Variants in EHBP1 observed in about 807,000 individuals in gnomAD.
EHBP1 encodes the protein EH domain binding protein 1.
In EHBP1, 55 loss-of-function variants were observed where a neutral mutation model predicts 144.0. The ratio of observed to expected loss-of-function variants is 0.38; its 90% confidence interval spans 0.31 to 0.48. The LOEUF is 0.48. Among genes scored for constraint, EHBP1 ranks in the 20% least tolerant of loss-of-function variants. The pLI, the probability that EHBP1 is intolerant of heterozygous loss-of-function variation, is 0.98. For missense variants in EHBP1, 1,200 were observed against 1,364.2 expected (o/e 0.88, Z 1.90); for synonymous variants, 469 against 472.7 (o/e 0.99, Z 0.10).
chr2:62,919,560 G>T (rs2054903039), intron 10 of EHBP1, among the ~76,000 whole-genome samples: 1 of 152,112 alleles, frequency 6.6e-6, no homozygotes, highest in Admixed American at 6.5e-5. Flanking sequence ...AGGGAATAAT[G>T]ACTTTTAGAG....
At chr2:62,980,161 T>C (rs1277499362) in intron 15 of EHBP1, among the ~76,000 whole-genome samples, 1 of 152,146 alleles carries the variant, frequency 6.6e-6, no homozygotes, top group African/African-American at 2.4e-5. Flanking sequence ...AGGAACTGGT[T>C]TTATGGAAGA....
At chr2:62,746,029 G>C (rs1206942317) in intron 2 of EHBP1, among the ~76,000 whole-genome samples, 1 of 152,050 alleles carries the variant, frequency 6.6e-6, no homozygotes, top group African/African-American at 2.4e-5. Context: ...TGGAGCTGTG[G>C]AGATGAGAGC....
At chr2:62,920,000 C>T (rs2054940370) in intron 10 of EHBP1, among the ~76,000 whole-genome samples, 1 of 152,066 alleles carries the variant, frequency 6.6e-6, no homozygotes, top group Non-Finnish European at 1.5e-5. Flanking sequence ...ACACCATCAA[C>T]TAAACCAACA....
chr2:62,979,903 G>A (rs986674511), intron 15 of EHBP1, among the ~76,000 whole-genome samples: 1 of 151,970 alleles, frequency 6.6e-6, no homozygotes, highest in Admixed American at 6.6e-5. Flanking sequence ...TAAAATTAAA[G>A]AAAATTTTAA....
In EHBP1 at chr2:62,871,362, C is replaced by T. The variant is rs548183850; in HGVS notation, c.999-2984C>T. Among the ~76,000 whole-genome samples, 9 of 152,318 alleles carry T rather than the reference C, an allele frequency of 5.9e-5. No individual in the cohort carries two copies. In the East Asian group the frequency reaches 1.5e-3, roughly 26 times the overall value. ...TTCCACATGAAAGTCACAGTCTTTACAAGTTTCTCGTGAATAAAGAGTGTT... is the reference window on the plus strand; with the variant it reads ...TTCCACATGAAAGTCACAGTCTTTATAAGTTTCTCGTGAATAAAGAGTGTT... On this transcript the variant is annotated intron_variant, in intron 9 of 22. Coordinates refer to ENST00000431489, the MANE Select transcript of EHBP1 (RefSeq NM_001142616.3).
intron 5 of EHBP1, chr2:62,771,622 T>C: frequency 3.2e-6 from 1 of 312,790 alleles, no homozygotes; most frequent in Non-Finnish European, 5.8e-6. Context: ...TGTATGTTTG[T>C]ATGTATGCGT....
chr2:62,859,079 G>A (rs773087463), intron 7 of EHBP1, 90 bp from the exon 8 acceptor site: 162 of 1,243,246 alleles, frequency 1.3e-4, no homozygotes, highest in Non-Finnish European at 1.6e-4. Context: ...GGTATTATTC[G>A]TGTGAACTTT....
chr2:62,799,765 A>G (rs902946691), intron 5 of EHBP1, among the ~76,000 whole-genome samples: 2 of 152,252 alleles, frequency 1.3e-5, no homozygotes, highest in Non-Finnish European at 2.9e-5. Context: ...TCTACTCAGT[A>G]CAAAAGCAAG....
intron 7 of EHBP1, among the ~76,000 whole-genome samples, chr2:62,839,807 A>C (rs1272869067): frequency 1.3e-5 from 2 of 152,198 alleles, no homozygotes; most frequent in African/African-American, 2.4e-5. Flanking sequence ...CTTCAAGGAG[A>C]ACTACAAACC....
chr2:62,994,228 C>T, intron 18 of EHBP1: 1 of 241,052 alleles, frequency 4.1e-6, no homozygotes, highest in Non-Finnish European at 8.2e-6. Context: ...CAGGGCACTT[C>T]CCATAAAGAG....
intron 19 of EHBP1, among the ~76,000 whole-genome samples, chr2:63,016,718 A>T (rs1423051650): frequency 6.6e-6 from 1 of 152,166 alleles, no homozygotes; most frequent in African/African-American, 2.4e-5. Context: ...GGCATGAGCC[A>T]TCGCGCCCAG....
At chr2:62,734,920 G>A (rs990570387) in intron 2 of EHBP1, among the ~76,000 whole-genome samples, 2 of 151,992 alleles carry the variant, frequency 1.3e-5, no homozygotes, top group African/African-American at 4.8e-5. Flanking sequence ...TTTTTTTTGA[G>A]ATGGAGGTCT....
chr2:62,928,841 A>C (rs1241361921), intron 10 of EHBP1, among the ~76,000 whole-genome samples: 5 of 125,386 alleles, frequency 4.0e-5, no homozygotes, highest in Middle Eastern at 3.8e-3. Flanking sequence ...GACTAAGAAC[A>C]AAAAAAAAAA....
At chr2:62,878,853 AC>A (rs1180653596) in intron 10 of EHBP1, among the ~76,000 whole-genome samples, 4 of 151,978 alleles carry the variant, frequency 2.6e-5, no homozygotes, top group African/African-American at 9.7e-5. Flanking sequence ...CACCGTCTCT[AC>A]TAAAAATGCA....
chr2:63,000,536 A>G (rs2059808568), intron 19 of EHBP1, among the ~76,000 whole-genome samples: 1 of 152,070 alleles, frequency 6.6e-6, no homozygotes, highest in Non-Finnish European at 1.5e-5. Context: ...TTTCTACTAA[A>G]AATACAAAAA....
intron 5 of EHBP1, among the ~76,000 whole-genome samples, chr2:62,813,476 T>C (rs1219082492): frequency 6.6e-6 from 1 of 151,506 alleles, no homozygotes; most frequent in Non-Finnish European, 1.5e-5. Context: ...CAGCAGAGAG[T>C]CCTCACCAAG....
chr2:62,830,985 G>C, intron 6 of EHBP1, 34 bp from the exon 7 acceptor site: 1 of 1,597,732 alleles, frequency 6.3e-7, no homozygotes, highest in South Asian at 1.1e-5. Context: ...CTGTCATTTA[G>C]TACAATGTGT....
At chr2:62,931,660 T>C (rs952490043) in intron 10 of EHBP1, among the ~76,000 whole-genome samples, 2 of 152,144 alleles carry the variant, frequency 1.3e-5, no homozygotes, top group Non-Finnish European at 2.9e-5. Flanking sequence ...AGTTTTAAAT[T>C]GTGCCTCATT....
intron 1 of EHBP1, among the ~76,000 whole-genome samples, chr2:62,681,357 T>TATATATATATATATAA (rs1374103642): frequency 8.4e-6 from 1 of 118,460 alleles, no homozygotes; most frequent in Non-Finnish European, 1.7e-5. Context: ...TATATATATA[T>TATATATATATATATAA]ATAATGTGTA....
Sources: allele counts gnomAD v4.1 joint callset (sites outside exome capture counted in the v4.1 genomes callset), GRCh38; gene constraint gnomAD v4.1.1; transcripts MANE v1.5; gene names NCBI Gene and HGNC (gene_info 2026-07-23, HGNC 2026-07-21).